PARG: variants seen among roughly 807,000 people sequenced by gnomAD.
The protein encoded by PARG is mitochondrial poly(ADP-ribose) glycohydrolase.
A neutral mutation model predicts 113.0 loss-of-function variants in PARG; 35 were observed. The observed-to-expected ratio is 0.31, with a 90% CI of 0.24 to 0.41. The LOEUF (loss-of-function observed/expected upper bound fraction) is 0.41, where lower values mean the gene tolerates loss of function less well. Ranked by LOEUF, PARG falls within the 10% of genes least tolerant of loss-of-function variation. The pLI, the probability that PARG is intolerant of heterozygous loss-of-function variation, is 1.00. For missense variants in PARG, 797 were observed against 1,169.4 expected (o/e 0.68, Z 4.64); for synonymous variants, 330 against 409.9 (o/e 0.81, Z 2.36).
chr10:49,861,981 T>A (rs2132542580), intron 11 of PARG, among the ~76,000 whole-genome samples: 1 of 152,094 alleles, frequency 6.6e-6, no homozygotes, highest in Admixed American at 6.6e-5. Context: ...GAAATTTTGT[T>A]ATGGCTAGAG....
intron 7 of PARG, among the ~76,000 whole-genome samples, chr10:49,887,565 T>G (rs1847557674): frequency 1.3e-5 from 2 of 152,218 alleles, no homozygotes; most frequent in Non-Finnish European, 2.9e-5. Flanking sequence ...GAAATTGACT[T>G]TTTTTACATG....
In PARG at chr10:49,861,795, C is replaced by A. The variant is rs200322594; in HGVS notation, c.2130-132G>T. ...AATCTCGAAAGTCAGAAACAGATGC[C>A]TACTGTTAACATTCTTGGTATTGAT... On this transcript the variant is annotated intron_variant, in intron 11 of 17. Transcript: ENST00000616448. 2.1e-4 allele frequency: 120 copies of A among 578,724 alleles called. 1 individual carries two copies. The East Asian group carries it at 3.5e-3, about 17-fold the overall frequency. 35.8% of individuals were successfully genotyped at this position (578,724 alleles called of 1,614,324 possible).
At chr10:49,893,871 T>C (rs1188556881) in intron 7 of PARG, among the ~76,000 whole-genome samples, 3 of 151,844 alleles carry the variant, frequency 2.0e-5, no homozygotes, top group Non-Finnish European at 4.4e-5. Context: ...TGTTTTTTTT[T>C]GTATTTTTAG....
chr10:49,870,193 TA>T (rs1434159247), intron 9 of PARG, among the ~76,000 whole-genome samples: 6 of 150,254 alleles, frequency 4.0e-5, no homozygotes, highest in African/African-American at 7.4e-5. Context: ...AATGAGGTCA[TA>T]GGGGTGGGAC....
At chr10:49,846,938 G>C (rs1400369243) in intron 13 of PARG, among the ~76,000 whole-genome samples, 1 of 151,466 alleles carries the variant, frequency 6.6e-6, no homozygotes, top group Non-Finnish European at 1.5e-5. Context: ...AGAAGAAAGT[G>C]CATTAAAGAA....
intron 7 of PARG, among the ~76,000 whole-genome samples, chr10:49,903,193 G>A (rs1237984470): frequency 6.6e-6 from 1 of 152,052 alleles, no homozygotes; most frequent in African/African-American, 2.4e-5. Context: ...TGGAAGCTGA[G>A]GTAGGAGGAT....
intron 16 of PARG, among the ~76,000 whole-genome samples, chr10:49,827,022 C>T (rs1174888144): frequency 5.3e-5 from 8 of 152,326 alleles, no homozygotes; most frequent in South Asian, 2.1e-4. Flanking sequence ...TTCTCAGCCA[C>T]GTCAAGCAAC....
At chr10:49,885,886 A>G (rs1847452789) in intron 7 of PARG, among the ~76,000 whole-genome samples, 1 of 152,200 alleles carries the variant, frequency 6.6e-6, no homozygotes, top group Non-Finnish European at 1.5e-5. Context: ...TTGAAGCACA[A>G]CAAAGATGCC....
intron 4 of PARG, among the ~76,000 whole-genome samples, chr10:49,927,352 A>AGG (rs1554850859): frequency 2.8e-4 from 38 of 135,778 alleles, no homozygotes; most frequent in South Asian, 1.8e-3. Flanking sequence ...GAAGGAAGGA[A>AGG]AGAAAGAAGG....
chr10:49,897,525 CA>C (rs1295167256), intron 7 of PARG, among the ~76,000 whole-genome samples: 1 of 152,128 alleles, frequency 6.6e-6, no homozygotes, highest in Non-Finnish European at 1.5e-5. Flanking sequence ...GTGAAACACA[CA>C]AAAAAATTTA....
intron 15 of PARG, among the ~76,000 whole-genome samples, 185 bp downstream of exon 15, chr10:49,841,765 C>T (rs1554832337): frequency 6.6e-6 from 1 of 152,090 alleles, no homozygotes; most frequent in African/African-American, 2.4e-5. Context: ...ACCTTAGCTG[C>T]GAATCAAACA....
intron 16 of PARG, among the ~76,000 whole-genome samples, chr10:49,829,637 T>C (rs1362722228): frequency 6.6e-6 from 1 of 151,792 alleles, no homozygotes; most frequent in Non-Finnish European, 1.5e-5. Context: ...CTACTAAAAA[T>C]AAAAAATGAA....
intron 15 of PARG, among the ~76,000 whole-genome samples, chr10:49,839,459 A>T (rs915089529): frequency 6.6e-6 from 1 of 152,216 alleles, no homozygotes; most frequent in Non-Finnish European, 1.5e-5. Flanking sequence ...TCCTGTTGCC[A>T]GGTTACTTGA....
rs571570669 is a variant in PARG at position 49,886,680 on chromosome 10, A to G, written c.1738-1385T>C. ...GTTTATACTATCCAACTGAAAAAAA[A>G]CTACTGATGTAATTGAAATGAGTAT... On this transcript the variant is annotated intron_variant, in intron 7 of 17. Transcript: ENST00000616448. Among the ~76,000 whole-genome samples the G allele has an allele frequency of 1.3e-5, 2 of 152,332 alleles. 1 individual carries two copies. The highest frequency in any genetic ancestry group is 4.1e-4 in the South Asian group (2 of 4,832).
intron 7 of PARG, among the ~76,000 whole-genome samples, chr10:49,900,718 G>C (rs562909021): frequency 6.6e-6 from 1 of 151,922 alleles, no homozygotes; most frequent in Non-Finnish European, 1.5e-5. Flanking sequence ...TATTCCTTAG[G>C]AAATAAACCC....
chr10:49,889,911 A>G (rs1489354049), intron 7 of PARG, among the ~76,000 whole-genome samples: 2 of 152,246 alleles, frequency 1.3e-5, no homozygotes, highest in Non-Finnish European at 2.9e-5. Flanking sequence ...ATTTAAGAAC[A>G]TAAGTGACTA....
At chr10:49,845,682 A>C (rs1554833188) in intron 13 of PARG, among the ~76,000 whole-genome samples, 3 of 151,840 alleles carry the variant, frequency 2.0e-5, no homozygotes, top group African/African-American at 7.3e-5. Flanking sequence ...AGATCACTCG[A>C]GGTCAGTAGT....
At chr10:49,895,760 T>C (rs1554842621) in intron 7 of PARG, among the ~76,000 whole-genome samples, 1 of 152,142 alleles carries the variant, frequency 6.6e-6, no homozygotes, top group East Asian at 1.9e-4. Context: ...ATGGTAGATA[T>C]TCTTTTATTC....
chr10:49,929,336 TTTTA>T (rs1372171978), intron 4 of PARG, among the ~76,000 whole-genome samples: 3 of 151,140 alleles, frequency 2.0e-5, no homozygotes, highest in East Asian at 1.9e-4. Context: ...AACAACTCCT[TTTTA>T]TTTGTCACCC....
Sources: allele counts gnomAD v4.1 joint callset (sites outside exome capture counted in the v4.1 genomes callset), GRCh38; gene constraint gnomAD v4.1.1; transcripts MANE v1.5; gene names NCBI Gene and HGNC (gene_info 2026-07-23, HGNC 2026-07-21).